Variants in GRIK1 observed in about 807,000 individuals in gnomAD.
GRIK1 encodes glutamate ionotropic receptor kainate type subunit 1.
Under a neutral mutation model 105.7 loss-of-function variants are expected in GRIK1, and 69 were observed. The ratio of observed to expected loss-of-function variants is 0.65; its 90% CI spans 0.54 to 0.80. The LOEUF (loss-of-function observed/expected upper bound fraction) is 0.80, where lower values mean the gene tolerates loss of function less well. GRIK1 is among the 30% of genes least tolerant of loss of function. GRIK1 has a pLI of 0.00. For missense variants in GRIK1, 1,109 were observed against 1,167.3 expected, an observed-to-expected ratio of 0.95 and a Z score of 0.73; for synonymous variants, 438 against 431.3, an observed-to-expected ratio of 1.02 and a Z score of -0.19.
chr21:29,848,755 G>GTGTATATA (rs773386863), intron 1 of GRIK1, among the ~76,000 whole-genome samples: 2,666 of 90,788 alleles, frequency 0.029, 105 homozygotes, highest in East Asian at 0.044. Flanking sequence ...AGTTGTGTGT[G>GTGTATATA]TATATATATA....
intron 1 of GRIK1, among the ~76,000 whole-genome samples, chr21:29,698,507 G>A (rs1048041218): frequency 3.3e-5 from 5 of 152,220 alleles, no homozygotes; most frequent in Non-Finnish European, 7.3e-5. Flanking sequence ...ATGGAACACA[G>A]GAGGGTGAGA....
chr21:29,734,978 C>G (rs1398386352), intron 1 of GRIK1, among the ~76,000 whole-genome samples: 2 of 152,162 alleles, frequency 1.3e-5, no homozygotes, highest in Non-Finnish European at 1.5e-5. Context: ...CCTAATGTTA[C>G]TTTCTCAAAG....
rs577864819 is a variant in GRIK1, at chr21:29,785,650, C to T, written c.119-91587G>A. On this transcript the variant is annotated intron_variant, in intron 1 of 17. Coordinates refer to ENST00000327783, the MANE Select transcript of GRIK1 (RefSeq NM_001330994.2). The stretch of plus-strand genomic sequence containing the variant: ...TTTTGGTATCATACACATGGCAAAG[C>T]GCAGAAAGTGCGTGTTCCTTATGTG... Among the ~76,000 whole-genome samples the T allele has an allele frequency of 3.3e-5, 5 of 151,512 alleles. No homozygotes were observed. The East Asian group carries it at 5.8e-4, about 18-fold the overall frequency.
chr21:29,778,857 C>A (rs2832440), intron 1 of GRIK1, among the ~76,000 whole-genome samples: 60,466 of 151,954 alleles, frequency 0.4, 14,165 homozygotes, highest in South Asian at 0.56. Flanking sequence ...AGATCATTGG[C>A]TTCTGGTCCT....
intron 3 of GRIK1, among the ~76,000 whole-genome samples, chr21:29,686,754 C>T (rs1359589346): frequency 6.6e-6 from 1 of 151,868 alleles, no homozygotes; most frequent in African/African-American, 2.4e-5. Context: ...CTGATCCCTG[C>T]TCTCCAGGAA....
chr21:29,545,522 A>G (rs2090036951), intron 16 of GRIK1, among the ~76,000 whole-genome samples: 1 of 152,220 alleles, frequency 6.6e-6, no homozygotes, highest in Non-Finnish European at 1.5e-5. Flanking sequence ...AATTAGGGCC[A>G]TAAAATAAAC....
At chr21:29,564,153 A>AT (rs2146188826) in intron 14 of GRIK1, among the ~76,000 whole-genome samples, 1 of 152,166 alleles carries the variant, frequency 6.6e-6, no homozygotes, top group East Asian at 1.9e-4. Context: ...TTATTTATTT[A>AT]TTTATTTTTT....
intron 1 of GRIK1, among the ~76,000 whole-genome samples, chr21:29,739,353 G>A (rs1363312274): frequency 6.6e-6 from 1 of 152,194 alleles, no homozygotes; most frequent in African/African-American, 2.4e-5. Context: ...CCCATAACCA[G>A]TGGTTCTGTG....
chr21:29,554,595 A>G (rs533564235), intron 16 of GRIK1, among the ~76,000 whole-genome samples: 2 of 152,288 alleles, frequency 1.3e-5, no homozygotes, highest in Admixed American at 6.5e-5. Flanking sequence ...GAAGTGTTCA[A>G]TTTCGTAGTA....
At position 29,884,871 on chromosome 21, in the gene GRIK1, A is replaced by G. The variant is rs147777778; in HGVS notation, c.118+54512T>C. Among the ~76,000 whole-genome samples, 310 of 152,184 alleles carry G rather than the reference A, an allele frequency of 2.0e-3. 2 individuals are homozygous for G. The highest frequency in any genetic ancestry group is 3.4e-3 in the Middle Eastern group (1 of 294). On this transcript the variant is annotated intron_variant, in intron 1 of 17. Coordinates refer to ENST00000327783, the MANE Select transcript of GRIK1 (RefSeq NM_001330994.2). ...GGAAGGGAATCTTCAACAGACATCC[A>G]GTGTTCACCCACAGAGCTATCCAGA...
At chr21:29,916,876 A>T (rs1466065724) in intron 1 of GRIK1, among the ~76,000 whole-genome samples, 2 of 151,978 alleles carry the variant, frequency 1.3e-5, no homozygotes, top group African/African-American at 4.8e-5. Flanking sequence ...ATTCACAGAG[A>T]TTTGTTTACT....
intron 1 of GRIK1, among the ~76,000 whole-genome samples, chr21:29,907,362 T>C (rs965935377): frequency 6.6e-6 from 1 of 152,106 alleles, no homozygotes; most frequent in Non-Finnish European, 1.5e-5. Context: ...TTTTGTAAAA[T>C]AATCAATGTT....
intron 1 of GRIK1, among the ~76,000 whole-genome samples, chr21:29,938,889 C>G (rs2071869165): frequency 6.6e-6 from 1 of 152,074 alleles, no homozygotes; most frequent in Admixed American, 6.5e-5. Context: ...TCTGGGGTAA[C>G]AGGCTCTAGG....
chr21:29,670,668 C>T (rs1306939957), intron 4 of GRIK1, among the ~76,000 whole-genome samples: 4 of 152,194 alleles, frequency 2.6e-5, no homozygotes, highest in Non-Finnish European at 4.4e-5. Context: ...AAGTCCTCAG[C>T]CTCTGTTACA....
intron 2 of GRIK1, among the ~76,000 whole-genome samples, chr21:29,690,261 T>A (rs2063561798): frequency 6.6e-6 from 1 of 152,212 alleles, no homozygotes; most frequent in Non-Finnish European, 1.5e-5. Context: ...TTATTACCTT[T>A]AATCAGATGG....
chr21:29,939,355 C>A (rs746430599), intron 1 of GRIK1, 28 bp downstream of exon 1: 5 of 1,323,012 alleles, frequency 3.8e-6, no homozygotes, highest in Non-Finnish European at 5.3e-6. Flanking sequence ...ACCACGTCTC[C>A]CGAGCAGGCA....
intron 1 of GRIK1, among the ~76,000 whole-genome samples, chr21:29,754,811 G>A (rs1205568654): frequency 6.6e-6 from 1 of 152,160 alleles, no homozygotes; most frequent in East Asian, 1.9e-4. Context: ...TGGGGGACAG[G>A]AAATTCTCCC....
chr21:29,659,190 C>A lies in GRIK1; in HGVS notation c.727-4327G>T, dbSNP rs147388321. Among the ~76,000 whole-genome samples the A allele has an allele frequency of 6.6e-5, 10 of 152,198 alleles. No individual in the cohort carries two copies. The East Asian group carries it at 1.9e-3, about 29-fold the overall frequency. On this transcript the variant is annotated intron_variant, in intron 4 of 17. Transcript: ENST00000327783. ...TTTGTTTCAAATATATTTTTCCAGG[C>A]AGCTCCAATTCTTTATAGAATAAAG...
chr21:29,712,123 C>CACACACACAT (rs1491324595), intron 1 of GRIK1, among the ~76,000 whole-genome samples: 38 of 147,118 alleles, frequency 2.6e-4, no homozygotes, highest in African/African-American at 3.8e-4. Flanking sequence ...CACACACACA[C>CACACACACAT]ATATATATAG....
Sources: gnomAD v4.1 joint callset for allele counts (sites outside exome capture counted in the v4.1 genomes callset) on GRCh38, gnomAD v4.1.1 for gene constraint, MANE v1.5 for transcripts, NCBI Gene and HGNC (gene_info 2026-07-23, HGNC 2026-07-21) for gene names.